The following TBC1D5 variants were observed in gnomAD, a reference collection of about 807,000 sequenced individuals.
TBC1D5 encodes the protein TBC1 domain family member 5.
A neutral mutation model predicts 100.3 loss-of-function variants in TBC1D5; 75 were observed. The ratio of observed to expected loss-of-function variants is 0.75; its 90% confidence interval spans 0.62 to 0.91. The LOEUF is 0.91. TBC1D5 is among the 40% of genes least tolerant of loss of function. TBC1D5 has a pLI of 0.00. For synonymous variants in TBC1D5, 323 were observed against 325.6 expected (o/e 0.99, Z 0.09); for missense variants, 910 against 942.4 (o/e 0.97, Z 0.45).
At chr3:17,170,873 G>A (rs905350090) in intron 19 of TBC1D5, among the ~76,000 whole-genome samples, 20 of 152,160 alleles carry the variant, frequency 1.3e-4, no homozygotes, top group African/African-American at 4.8e-4. Flanking sequence ...AGAAAAAAAT[G>A]GTTAGTCTAT....
chr3:17,410,218 G>C (rs1265677257), intron 4 of TBC1D5, among the ~76,000 whole-genome samples: 3 of 152,078 alleles, frequency 2.0e-5, no homozygotes, highest in Admixed American at 2.0e-4. Context: ...GAATAACAAA[G>C]CCTGGATGAT....
chr3:17,604,192 TC>T lies in TBC1D5; in HGVS notation c.-36+19656del, dbSNP rs779283566. On this transcript the variant is annotated intron_variant, in intron 2 of 21. Coordinates refer to ENST00000253692, the Ensembl canonical transcript of TBC1D5. Reference sequence around the variant, plus strand: ...CCAGGCTAGTCTCAAACTCCTTGGTTCAAGTGATCTACCTGCCTCGGCCTCC... The same window carrying T: ...CCAGGCTAGTCTCAAACTCCTTGGTTAAGTGATCTACCTGCCTCGGCCTCC... 2.0e-5 allele frequency among the ~76,000 whole-genome samples: 3 copies of T among 152,142 alleles called. No homozygotes were observed. In the South Asian group the frequency reaches 6.2e-4, roughly 32 times the overall value.
chr3:17,178,016 T>C (rs1266233340), intron 19 of TBC1D5, among the ~76,000 whole-genome samples: 6 of 151,980 alleles, frequency 3.9e-5, no homozygotes, highest in Admixed American at 6.6e-5. Flanking sequence ...TCCAGTTCTA[T>C]GTTGTTGCAA....
At chr3:17,732,637 G>T (rs763007484) in intron 1 of TBC1D5, among the ~76,000 whole-genome samples, 14 of 151,186 alleles carry the variant, frequency 9.3e-5, no homozygotes, top group African/African-American at 1.5e-4. Context: ...TACCCAGGAG[G>T]CTGAGACAGA....
At chr3:17,331,360 T>C (rs2086842052) in intron 13 of TBC1D5, among the ~76,000 whole-genome samples, 1 of 152,214 alleles carries the variant, frequency 6.6e-6, no homozygotes, top group African/African-American at 2.4e-5. Flanking sequence ...ATAACATTTG[T>C]CTTGGTTGAT....
Position 17,485,257 on chromosome 3 carries a change from T to A in TBC1D5, c.97+23217A>T, listed in dbSNP as rs1043353970. ...TACTTTCTATGCTCTCTATATTCAA[T>A]TACTTTTAAAGATAGAATTTTTTTA... On this transcript the variant is annotated intron_variant, in intron 3 of 21. Coordinates refer to ENST00000253692, the Ensembl canonical transcript of TBC1D5. Among the ~76,000 whole-genome samples the A allele has an allele frequency of 7.2e-5, 11 of 152,060 alleles. No individual in the cohort carries two copies. In the East Asian group the frequency reaches 2.1e-3, roughly 29 times the overall value.
At chr3:17,601,503 C>T (rs899341487) in intron 2 of TBC1D5, among the ~76,000 whole-genome samples, 1 of 152,124 alleles carries the variant, frequency 6.6e-6, no homozygotes, top group Non-Finnish European at 1.5e-5. Flanking sequence ...AAGAGCGAAA[C>T]TCCGTCTCAA....
chr3:17,200,080 T>C (rs944505646), intron 18 of TBC1D5, among the ~76,000 whole-genome samples: 1 of 152,212 alleles, frequency 6.6e-6, no homozygotes, highest in African/African-American at 2.4e-5. Flanking sequence ...ATAATTTTCT[T>C]ATTCTTTTCT....
intron 19 of TBC1D5, among the ~76,000 whole-genome samples, chr3:17,169,376 A>G (rs146760171): frequency 1.1e-4 from 16 of 152,356 alleles, no homozygotes; most frequent in African/African-American, 3.8e-4. Context: ...TATTCTAAAT[A>G]TTTCCAAAAA....
rs2077979567 is a variant in TBC1D5 at position 17,258,658 on chromosome 3, C to A, written c.1246-67G>T. On this transcript the variant is annotated intron_variant, in intron 15 of 21. Transcript: ENST00000253692. The stretch of plus-strand genomic sequence containing the variant: ...AATCCATTAACATATAAGAGGACAG[C>A]AATGATCATTTTAATATCCCTTCAG... 2.4e-6 allele frequency: 3 copies of A among 1,249,636 alleles called. No individual in the cohort carries two copies. The Admixed American group carries it at 5.7e-5, about 24-fold the overall frequency. The allele number at this position is 1,249,636 out of a possible 1,614,324, so 77.4% of individuals were successfully genotyped here.
chr3:17,703,522 C>A (rs879335584), intron 1 of TBC1D5, among the ~76,000 whole-genome samples: 2 of 151,994 alleles, frequency 1.3e-5, no homozygotes, highest in Admixed American at 6.6e-5. Flanking sequence ...AGCCAAAATT[C>A]TTTATCATAA....
intron 1 of TBC1D5, among the ~76,000 whole-genome samples, chr3:17,627,320 G>A (rs1486005704): frequency 6.6e-6 from 1 of 152,070 alleles, no homozygotes; most frequent in East Asian, 1.9e-4. Flanking sequence ...AGGGGACAGA[G>A]GGATGGAAAC....
intron 1 of TBC1D5, among the ~76,000 whole-genome samples, chr3:17,692,555 T>C (rs554480692): frequency 2.1e-4 from 32 of 152,214 alleles, no homozygotes; most frequent in Non-Finnish European, 4.4e-4. Flanking sequence ...CTAAACAAAA[T>C]ACTTCTAAAT....
chr3:17,496,878 T>C (rs1256518297), intron 3 of TBC1D5, among the ~76,000 whole-genome samples: 1 of 152,140 alleles, frequency 6.6e-6, no homozygotes, highest in Non-Finnish European at 1.5e-5. Flanking sequence ...TTAGATATAA[T>C]CTGCACTCTT....
At chr3:17,621,848 AG>A (rs2062686944) in intron 2 of TBC1D5, among the ~76,000 whole-genome samples, 1 of 152,214 alleles carries the variant, frequency 6.6e-6, no homozygotes, top group African/African-American at 2.4e-5. Context: ...TGTTTGCCCA[AG>A]GCCAAGTACA....
intron 4 of TBC1D5, among the ~76,000 whole-genome samples, chr3:17,421,057 C>A (rs1388772461): frequency 6.6e-6 from 1 of 152,106 alleles, no homozygotes; most frequent in Non-Finnish European, 1.5e-5. Context: ...GCTGTGAATG[C>A]AAACAAATCA....
At chr3:17,315,934 A>AT (rs1422531169) in intron 13 of TBC1D5, among the ~76,000 whole-genome samples, 5 of 151,976 alleles carry the variant, frequency 3.3e-5, no homozygotes. Flanking sequence ...ACCATATATG[A>AT]TTGATTTGGG....
At chr3:17,260,334 T>G (rs1436835574) in intron 15 of TBC1D5, among the ~76,000 whole-genome samples, 1 of 152,182 alleles carries the variant, frequency 6.6e-6, no homozygotes, top group African/African-American at 2.4e-5. Flanking sequence ...AGGGATCACA[T>G]GGAGCAATTA....
chr3:17,388,789 G>A (rs533056668), intron 8 of TBC1D5, among the ~76,000 whole-genome samples: 72 of 151,998 alleles, frequency 4.7e-4, no homozygotes, highest in African/African-American at 1.6e-3. Flanking sequence ...CTTGAGCCTC[G>A]GAGGTAGAGG....
Sources: gnomAD v4.1 joint callset for allele counts (sites outside exome capture counted in the v4.1 genomes callset) on GRCh38, gnomAD v4.1.1 for gene constraint, MANE v1.5 for transcripts, NCBI Gene and HGNC (gene_info 2026-07-23, HGNC 2026-07-21) for gene names.